Variants in CALCRL observed in about 807,000 individuals in gnomAD.
CALCRL encodes calcitonin receptor like receptor, also known as calcitonin gene-related peptide type 1 receptor.
CALCRL carries 27 observed loss-of-function variants against 60.4 expected under a neutral mutation model. The ratio of observed to expected loss-of-function variants is 0.45; its 90% CI spans 0.33 to 0.62. The LOEUF is 0.62. CALCRL is among the 20% of genes least tolerant of loss of function. CALCRL has a pLI of 0.03. For synonymous variants in CALCRL, 190 were observed against 182.6 expected (o/e 1.04, Z -0.33); for missense variants, 424 against 540.7 (o/e 0.78, Z 2.14).
intron 8 of CALCRL, among the ~76,000 whole-genome samples, chr2:187,378,312 G>T (rs13392210): frequency 0.041 from 6,313 of 152,172 alleles, 425 homozygotes; most frequent in African/African-American, 0.14. Context: ...AAAATCATGT[G>T]AAGGGATAAA....
intron 1 of CALCRL, among the ~76,000 whole-genome samples, chr2:187,392,049 A>G (rs1400012658): frequency 5.3e-5 from 8 of 152,112 alleles, no homozygotes; most frequent in Non-Finnish European, 4.4e-5. Context: ...ATAAGAACAC[A>G]AAAAAACATA....
At chr2:187,418,697 A>G (rs1339637400) in intron 1 of CALCRL, among the ~76,000 whole-genome samples, 1 of 152,124 alleles carries the variant, frequency 6.6e-6, no homozygotes, top group Non-Finnish European at 1.5e-5. Context: ...TAATTTACCA[A>G]CCTTTGCAAA....
rs546642632 is a variant in CALCRL, at chr2:187,356,364, C to G, written c.909+2699G>C. Among the ~76,000 whole-genome samples, 5 of 152,202 alleles carry G rather than the reference C, an allele frequency of 3.3e-5. No individual in the cohort carries two copies. In the East Asian group the frequency reaches 9.7e-4, roughly 29 times the overall value. ...AGAAATAACACCACACTTCTACAAC[C>G]ATCTGATCTTTCACAAACCTGACAA... On this transcript the variant is annotated intron_variant, in intron 12 of 14. Coordinates refer to ENST00000392370, the MANE Select transcript of CALCRL (RefSeq NM_005795.6).
At chr2:187,359,370 G>A in intron 10 of CALCRL, 98 bp from the exon 11 acceptor site, 1 of 840,514 alleles carries the variant, frequency 1.2e-6, no homozygotes, top group South Asian at 1.9e-5. Flanking sequence ...AGATACTCTA[G>A]GAGCAAAAAA....
intron 9 of CALCRL, 125 bp from the exon 10 acceptor site, chr2:187,360,876 T>A: frequency 1.4e-5 from 11 of 792,376 alleles, no homozygotes; most frequent in Non-Finnish European, 1.8e-5. Flanking sequence ...ACATTAATGA[T>A]TAGGATTTGT....
chr2:187,351,410 T>C (rs912062103), intron 14 of CALCRL, among the ~76,000 whole-genome samples: 2 of 151,792 alleles, frequency 1.3e-5, no homozygotes, highest in Admixed American at 1.3e-4. Flanking sequence ...ATTAGAGCAT[T>C]CTCTTCTAAA....
chr2:187,363,089 T>A (rs1307529482), intron 9 of CALCRL, among the ~76,000 whole-genome samples: 3 of 152,100 alleles, frequency 2.0e-5, no homozygotes, highest in Non-Finnish European at 2.9e-5. Flanking sequence ...TATAAATAAT[T>A]GAAGCAAAGA....
chr2:187,346,475 A>G lies in CALCRL; in HGVS notation c.1171-76T>C. 8.2e-6 allele frequency: 8 copies of G among 973,312 alleles called. No homozygotes were observed. In the South Asian group the frequency reaches 9.4e-5, roughly 11 times the overall value. The allele number at this position is 973,312 out of a possible 1,614,324, so 60.3% of individuals were successfully genotyped here. ...ATGAAGACACTGTTTTTGAAGCACA[A>G]TTAAATAGGTCTTGGAGAAGAGCTT... On this transcript the variant is annotated intron_variant, in intron 14 of 14. Coordinates refer to ENST00000392370, the MANE Select transcript of CALCRL (RefSeq NM_005795.6).
At position 187,363,403 on chromosome 2, in the gene CALCRL, G is replaced by A; in HGVS notation, c.600C>T (p.Asn200=). ...GATTTGTGGCTACTAAGGCCTGGTT[G>A]TTGGCCACTGCAGTGAGGTGAATGA... ...VTIIHLTAVA[N]NQALVATNPV... is the part of the protein sequence containing the mutation. The change falls in exon 9 of 15, where the codon AAC becomes AAT. Residue 200 remains asparagine, a synonymous_variant. Coordinates refer to ENST00000392370, the MANE Select transcript of CALCRL (RefSeq NM_005795.6). 1 of 1,611,720 alleles carries A rather than the reference G, an allele frequency of 6.2e-7. No individual in the cohort carries two copies. Among genetic ancestry groups the A allele is most frequent in the Non-Finnish European group, 8.5e-7 (1 of 1,178,840 alleles).
intron 9 of CALCRL, 100 bp from the exon 10 acceptor site, chr2:187,360,851 C>G (rs1687025761): frequency 1.9e-6 from 2 of 1,068,686 alleles, no homozygotes; most frequent in Admixed American, 2.6e-5. Context: ...TTCTCCCCTA[C>G]ACACAAAATC....
At chr2:187,396,459 A>T (rs190868687) in intron 1 of CALCRL, among the ~76,000 whole-genome samples, 1 of 151,890 alleles carries the variant, frequency 6.6e-6, no homozygotes, top group Admixed American at 6.6e-5. Flanking sequence ...AGAAATTAAC[A>T]TTTTCTGAAT....
chr2:187,373,833 A>T (rs555919040), intron 8 of CALCRL, among the ~76,000 whole-genome samples: 1 of 152,152 alleles, frequency 6.6e-6, no homozygotes, highest in African/African-American at 2.4e-5. Context: ...AGTAAGTGAC[A>T]AAGTGGAATT....
chr2:187,393,701 A>T (rs1312090920), intron 1 of CALCRL, among the ~76,000 whole-genome samples: 3 of 151,978 alleles, frequency 2.0e-5, no homozygotes, highest in Non-Finnish European at 4.4e-5. Flanking sequence ...AGTTGAAGAA[A>T]CCTGATGTTT....
Position 187,345,430 on chromosome 2 carries a change from G to A in CALCRL, c.*754C>T, listed in dbSNP as rs1354517520. 1 of 152,234 alleles carries A rather than the reference G, an allele frequency of 6.6e-6. No individual in the cohort carries two copies. The allele number at this position is 152,234 out of a possible 1,614,324, so 9.4% of individuals were successfully genotyped here. A position where few individuals can be genotyped will look rare whatever the true frequency, so the allele number is the denominator to read the frequency against. On this transcript the variant is annotated 3_prime_UTR_variant, in exon 15 of 15. Transcript: ENST00000392370. ...CCCACTGTTTGGTAAGACAGGAAGAGGTTGACAAGGTGTTTTGTAGCATCA... is the reference window on the plus strand; with the variant it reads ...CCCACTGTTTGGTAAGACAGGAAGAAGTTGACAAGGTGTTTTGTAGCATCA...
chr2:187,374,349 T>G, intron 8 of CALCRL, among the ~76,000 whole-genome samples: 1 of 152,204 alleles, frequency 6.6e-6, no homozygotes, highest in African/African-American at 2.4e-5. Context: ...TTTCAAATTC[T>G]TCATTTTTAA....
chr2:187,399,696 TC>T (rs1448527827), intron 1 of CALCRL, among the ~76,000 whole-genome samples: 1 of 151,108 alleles, frequency 6.6e-6, no homozygotes, highest in African/African-American at 2.4e-5. Flanking sequence ...AGATATGGAG[TC>T]AATCTGAGTG....
chr2:187,428,836 T>TGAGCCAAG (rs1690267448), intron 1 of CALCRL: 1 of 146,676 alleles, frequency 6.8e-6, no homozygotes, highest in Non-Finnish European at 1.5e-5. Context: ...GAGCTTGCAG[T>TGAGCCAAG]GAGCCAAGGT....
At chr2:187,351,299 A>AAAAAAAAAAAAAAAAG (rs1207142323) in intron 14 of CALCRL, among the ~76,000 whole-genome samples, 1 of 150,716 alleles carries the variant, frequency 6.6e-6, no homozygotes, top group South Asian at 2.1e-4. Flanking sequence ...AAAAAAAAAA[A>AAAAAAAAAAAAAAAAG]AGAAATATGT....
intron 9 of CALCRL, among the ~76,000 whole-genome samples, chr2:187,362,341 A>G (rs1687089950): frequency 6.6e-6 from 1 of 152,078 alleles, no homozygotes; most frequent in Admixed American, 6.6e-5. Context: ...TATGTTGCTA[A>G]TTATACCCCA....
Sources: allele counts gnomAD v4.1 joint callset (sites outside exome capture counted in the v4.1 genomes callset), GRCh38; gene constraint gnomAD v4.1.1; transcripts MANE v1.5; gene names NCBI Gene and HGNC (gene_info 2026-07-23, HGNC 2026-07-21).